The following PAPPA2 variants were observed in gnomAD, a reference collection of about 807,000 sequenced individuals.
PAPPA2 encodes pappalysin 2, also known as pappalysin-2.
Under a neutral mutation model 176.4 loss-of-function variants are expected in PAPPA2, and 86 were observed. That is an observed-to-expected ratio of 0.49 (90% CI 0.41 to 0.58). The LOEUF is 0.58. Among genes scored for constraint, PAPPA2 ranks in the 20% least tolerant of loss-of-function variants. The pLI is 0.00. For synonymous variants in PAPPA2, 809 were observed against 852.2 expected (o/e 0.95, Z 0.88); for missense variants, 2,073 against 2,256.9 (o/e 0.92, Z 1.65).
chr1:176,497,992 A>G (rs979158692), intron 1 of PAPPA2, among the ~76,000 whole-genome samples: 1 of 152,186 alleles, frequency 6.6e-6, no homozygotes, highest in Non-Finnish European at 1.5e-5. Flanking sequence ...TTGTAAGGTA[A>G]TAAGTTTCAG....
intron 17 of PAPPA2, among the ~76,000 whole-genome samples, chr1:176,773,271 T>G (rs1664315433): frequency 6.6e-6 from 1 of 152,176 alleles, no homozygotes; most frequent in Non-Finnish European, 1.5e-5. Context: ...GGATTGGTAA[T>G]CAGAAGTTTG....
At chr1:176,601,033 G>GA (rs1204126280) in intron 3 of PAPPA2, among the ~76,000 whole-genome samples, 20 of 152,274 alleles carry the variant, frequency 1.3e-4, no homozygotes, top group African/African-American at 4.8e-4. Flanking sequence ...TCATATGTTA[G>GA]AAATTTAATC....
intron 20 of PAPPA2, among the ~76,000 whole-genome samples, chr1:176,794,611 A>G (rs1231004492): frequency 6.6e-6 from 1 of 152,156 alleles, no homozygotes; most frequent in East Asian, 1.9e-4. Context: ...TCTTTTATAA[A>G]CTGTGCTGAG....
chr1:176,740,348 GAAT>G, intron 14 of PAPPA2, 152 bp downstream of exon 14: 1 of 849,768 alleles, frequency 1.2e-6, no homozygotes, highest in Non-Finnish European at 1.8e-6. Context: ...AGCAAGCAAA[GAAT>G]AATTTGTGGA....
chr1:176,536,689 C>A (rs1326072974), intron 1 of PAPPA2, among the ~76,000 whole-genome samples: 1 of 152,170 alleles, frequency 6.6e-6, no homozygotes, highest in Non-Finnish European at 1.5e-5. Context: ...GGCAAAGCAG[C>A]AAGAGAAAGC....
At chr1:176,830,030 G>A (rs1042463810) in intron 21 of PAPPA2, among the ~76,000 whole-genome samples, 2 of 152,206 alleles carry the variant, frequency 1.3e-5, no homozygotes, top group East Asian at 3.9e-4. Flanking sequence ...ATTTTGGGGT[G>A]AGTAATTGAT....
intron 3 of PAPPA2, among the ~76,000 whole-genome samples, chr1:176,655,777 C>A (rs1657999625): frequency 6.6e-6 from 1 of 151,798 alleles, no homozygotes; most frequent in South Asian, 2.1e-4. Flanking sequence ...GCTCTGACAT[C>A]ACCAGCACAC....
intron 3 of PAPPA2, among the ~76,000 whole-genome samples, chr1:176,663,395 C>T (rs953545041): frequency 6.6e-6 from 1 of 152,122 alleles, no homozygotes; most frequent in Non-Finnish European, 1.5e-5. Flanking sequence ...TCTGAAAGAT[C>T]ACACTTGCTT....
intron 21 of PAPPA2, among the ~76,000 whole-genome samples, chr1:176,818,537 C>T (rs1462351616): frequency 1.3e-5 from 2 of 152,216 alleles, no homozygotes; most frequent in East Asian, 3.9e-4. Context: ...TTTAGTTCAT[C>T]AGGTAATTCT....
chr1:176,802,325 A>G (rs1350443519), intron 21 of PAPPA2, among the ~76,000 whole-genome samples: 1 of 152,188 alleles, frequency 6.6e-6, no homozygotes, highest in Non-Finnish European at 1.5e-5. Flanking sequence ...AGAAGGAGAA[A>G]CAACTCTGAA....
intron 17 of PAPPA2, among the ~76,000 whole-genome samples, chr1:176,775,410 T>C (rs1201437767): frequency 1.3e-5 from 2 of 152,158 alleles, no homozygotes. Flanking sequence ...ATGAGAACTT[T>C]AAACATATAT....
At chr1:176,766,092 C>T (rs985733654) in intron 15 of PAPPA2, among the ~76,000 whole-genome samples, 7 of 152,162 alleles carry the variant, frequency 4.6e-5, no homozygotes, top group Admixed American at 4.6e-4. Context: ...TTGTTTATTT[C>T]TGTCAGAAAT....
chr1:176,586,688 A>G (rs183877148), intron 2 of PAPPA2, among the ~76,000 whole-genome samples: 3 of 152,276 alleles, frequency 2.0e-5, no homozygotes, highest in Admixed American at 6.5e-5. Context: ...TATCCAGTCT[A>G]TCACTGATGG....
chr1:176,810,606 T>C (rs1666107741), intron 21 of PAPPA2, among the ~76,000 whole-genome samples: 3 of 152,196 alleles, frequency 2.0e-5, no homozygotes, highest in African/African-American at 7.2e-5. Flanking sequence ...CCTCCTGCTG[T>C]GTGGCCCGGT....
intron 21 of PAPPA2, among the ~76,000 whole-genome samples, chr1:176,817,504 AC>A: frequency 6.6e-6 from 1 of 152,186 alleles, no homozygotes; most frequent in Non-Finnish European, 1.5e-5. Context: ...TGGAAGAGTG[AC>A]GGGTGATAAG....
At chr1:176,527,808 G>A (rs1649578851) in intron 1 of PAPPA2, among the ~76,000 whole-genome samples, 1 of 152,140 alleles carries the variant, frequency 6.6e-6, no homozygotes, top group African/African-American at 2.4e-5. Context: ...AACTGGCACT[G>A]AGAGATAGGA....
rs1667564163 is a variant in PAPPA2, at chr1:176,843,701, A to G, written c.*1247A>G. ...GGTGGGAGGAGATGAAAGAACAGGC[A>G]AGAGCTGTCAGGGTTAAATCCAGGC... On this transcript the variant is annotated 3_prime_UTR_variant, in exon 23 of 23. Transcript: ENST00000367662. 1 of 152,176 alleles carries G rather than the reference A, an allele frequency of 6.6e-6. No homozygotes were observed. Among genetic ancestry groups the G allele is most frequent in the African/African-American group, 2.4e-5 (1 of 41,436 alleles). The allele number at this position is 152,176 out of a possible 1,614,324, so 9.4% of individuals were successfully genotyped here. A position where few individuals can be genotyped will look rare whatever the true frequency, so the allele number is the denominator to read the frequency against.
At chr1:176,606,395 A>C (rs532791499) in intron 3 of PAPPA2, among the ~76,000 whole-genome samples, 1 of 152,350 alleles carries the variant, frequency 6.6e-6, no homozygotes, top group East Asian at 1.9e-4. Flanking sequence ...CAGAGAATAC[A>C]TTCTTGAAGA....
intron 1 of PAPPA2, among the ~76,000 whole-genome samples, chr1:176,469,628 T>C (rs916519368): frequency 6.6e-6 from 1 of 152,192 alleles, no homozygotes; most frequent in Non-Finnish European, 1.5e-5. Context: ...CTGACTGTGG[T>C]ATTTACTGGC....
Sources: gnomAD v4.1 joint callset for allele counts (sites outside exome capture counted in the v4.1 genomes callset) on GRCh38, gnomAD v4.1.1 for gene constraint, MANE v1.5 for transcripts, NCBI Gene and HGNC (gene_info 2026-07-23, HGNC 2026-07-21) for gene names.